Variants in RCAN2 observed in about 807,000 individuals in gnomAD.
The protein encoded by RCAN2 is calcipressin-2.
RCAN2 carries 9 observed loss-of-function variants against 23.6 expected under a neutral mutation model. The observed-to-expected ratio is 0.38, with a 90% confidence interval of 0.23 to 0.67. The LOEUF (loss-of-function observed/expected upper bound fraction) is 0.67, where lower values mean the gene tolerates loss of function less well. Among genes scored for constraint, RCAN2 ranks in the 30% least tolerant of loss-of-function variants. The probability of loss-of-function intolerance (pLI) is 0.51; values close to 1 mark genes in which losing one functional copy is unlikely to be tolerated. For synonymous variants in RCAN2, 109 were observed against 115.7 expected (o/e 0.94, Z 0.37); for missense variants, 273 against 302.3 (o/e 0.90, Z 0.72).
intron 2 of RCAN2, among the ~76,000 whole-genome samples, chr6:46,301,081 T>C (rs2150351071): frequency 6.6e-6 from 1 of 152,124 alleles, no homozygotes; most frequent in Middle Eastern, 3.4e-3. Context: ...GCCATATTTC[T>C]TTCTTGTAGG....
At chr6:46,457,399 C>A (rs1768071599) in intron 1 of RCAN2, among the ~76,000 whole-genome samples, 1 of 152,046 alleles carries the variant, frequency 6.6e-6, no homozygotes, top group African/African-American at 2.4e-5. Flanking sequence ...CAATATTTTC[C>A]CCAATTTACA....
intron 2 of RCAN2, among the ~76,000 whole-genome samples, chr6:46,302,068 T>A (rs1436205566): frequency 6.6e-6 from 1 of 151,972 alleles, no homozygotes; most frequent in Non-Finnish European, 1.5e-5. Flanking sequence ...GTGACTGCAG[T>A]GTCAAGAAGG....
At chr6:46,282,774 G>T (rs1412653918) in intron 2 of RCAN2, among the ~76,000 whole-genome samples, 1 of 152,134 alleles carries the variant, frequency 6.6e-6, no homozygotes, top group Admixed American at 6.5e-5. Context: ...CTGCTTTCAG[G>T]TCCTTCCTGG....
intron 1 of RCAN2, among the ~76,000 whole-genome samples, chr6:46,463,941 A>G (rs1768299715): frequency 6.6e-6 from 1 of 152,204 alleles, no homozygotes; most frequent in Non-Finnish European, 1.5e-5. Context: ...AAGGGCAACA[A>G]ATAAAAAAAT....
chr6:46,232,492 C>T (rs973814782), intron 4 of RCAN2, among the ~76,000 whole-genome samples: 4 of 151,794 alleles, frequency 2.6e-5, no homozygotes, highest in Admixed American at 6.6e-5. Context: ...TGGGAGTGCT[C>T]ATTAAAAAAA....
intron 2 of RCAN2, among the ~76,000 whole-genome samples, chr6:46,313,359 T>C (rs1479997358): frequency 6.6e-6 from 1 of 152,174 alleles, no homozygotes; most frequent in Non-Finnish European, 1.5e-5. Context: ...ATTCCTGAAT[T>C]CCCATGTCTG....
At chr6:46,333,377 A>G (rs1764045517) in intron 2 of RCAN2, among the ~76,000 whole-genome samples, 1 of 152,220 alleles carries the variant, frequency 6.6e-6, no homozygotes, top group African/African-American at 2.4e-5. Flanking sequence ...TTTCCTTTTT[A>G]CACCTGTATA....
At chr6:46,421,105 TC>T (rs1262160369) in intron 2 of RCAN2, among the ~76,000 whole-genome samples, 1 of 152,198 alleles carries the variant, frequency 6.6e-6, no homozygotes, top group African/African-American at 2.4e-5. Context: ...TAAAATTACT[TC>T]ACAAACCATC....
In RCAN2 at chr6:46,249,310, T is replaced by C. The variant is rs528353561; in HGVS notation, c.226-414A>G. On this transcript the variant is annotated intron_variant, in intron 2 of 4. Coordinates refer to ENST00000371374, the MANE Select transcript of RCAN2 (RefSeq NM_001251974.2). ...TTGGGGGCACTTTTCTTTTTCTTTC[T>C]TTCTTTCTTTTTTTTTTTTTTTTTT... Among the ~76,000 whole-genome samples, 1,036 of 131,018 alleles carry C rather than the reference T, an allele frequency of 7.9e-3. 3 individuals are homozygous for C. The highest frequency in any genetic ancestry group is 0.013 in the Non-Finnish European group (845 of 64,266). The allele number at this position is 131,018 out of a possible 152,430, so 86.0% of individuals were successfully genotyped here.
In RCAN2 at chr6:46,223,229, A is replaced by G. The variant is rs370830708; in HGVS notation, c.644T>C (p.Ile215Thr). Residue 215 changes from isoleucine to threonine, a missense_variant, in exon 5 of 5, where the codon ATA becomes ACA. Coordinates refer to ENST00000371374, the MANE Select transcript of RCAN2 (RefSeq NM_001251974.2). Reference protein sequence around the residue: ...SVVVHVCDSDIEEEEDPKTSP... With the variant: ...SVVVHVCDSDTEEEEDPKTSP... ...AGTCTTTGGGTCCTCTTCTTCCTCTATGTCACTGTCGCACACGTGCACGAC... is the reference window on the plus strand; with the variant it reads ...AGTCTTTGGGTCCTCTTCTTCCTCTGTGTCACTGTCGCACACGTGCACGAC... 18 of 1,613,814 alleles carry G rather than the reference A, an allele frequency of 1.1e-5. No homozygotes were observed. The highest frequency in any genetic ancestry group is 1.3e-5 in the African/African-American group (1 of 74,850).
intron 2 of RCAN2, among the ~76,000 whole-genome samples, chr6:46,349,180 T>C (rs191984824): frequency 1.3e-5 from 2 of 152,308 alleles, no homozygotes; most frequent in Admixed American, 1.3e-4. Flanking sequence ...TAAAGTACTA[T>C]GAGTCACTAA....
At chr6:46,360,502 C>A (rs1191589500) in intron 2 of RCAN2, among the ~76,000 whole-genome samples, 2 of 138,800 alleles carry the variant, frequency 1.4e-5, no homozygotes, top group African/African-American at 2.7e-5. Flanking sequence ...CCACTACACT[C>A]CAGCCTGGGC....
chr6:46,429,709 C>T (rs1767132407), intron 2 of RCAN2, among the ~76,000 whole-genome samples: 1 of 151,734 alleles, frequency 6.6e-6, no homozygotes, highest in South Asian at 2.1e-4. Flanking sequence ...CCTTATGGAC[C>T]CTAGGGTCTA....
intron 2 of RCAN2, among the ~76,000 whole-genome samples, chr6:46,444,845 G>GC (rs1283048121): frequency 6.6e-6 from 1 of 152,128 alleles, no homozygotes; most frequent in Non-Finnish European, 1.5e-5. Flanking sequence ...AGCACCTGTG[G>GC]CCCCAAGACC....
At chr6:46,264,994 A>G (rs1333595126) in intron 2 of RCAN2, among the ~76,000 whole-genome samples, 2 of 152,236 alleles carry the variant, frequency 1.3e-5, no homozygotes, top group African/African-American at 4.8e-5. Flanking sequence ...TTCATCCCAG[A>G]GGACTATCTA....
At chr6:46,225,054 T>G (rs895233145) in intron 4 of RCAN2, among the ~76,000 whole-genome samples, 1 of 152,122 alleles carries the variant, frequency 6.6e-6, no homozygotes, top group African/African-American at 2.4e-5. Flanking sequence ...GTCCTTGTGA[T>G]AGTTTGCTGA....
At chr6:46,459,356 T>G (rs910136633) in intron 1 of RCAN2, among the ~76,000 whole-genome samples, 1 of 152,234 alleles carries the variant, frequency 6.6e-6, no homozygotes, top group Non-Finnish European at 1.5e-5. Flanking sequence ...TAAGAATGTT[T>G]CAATTATTAT....
At chr6:46,350,569 G>T (rs1764618242) in intron 2 of RCAN2, among the ~76,000 whole-genome samples, 2 of 152,204 alleles carry the variant, frequency 1.3e-5, no homozygotes, top group African/African-American at 4.8e-5. Flanking sequence ...TTGGCTCTAT[G>T]TGCCGAGAAT....
intron 2 of RCAN2, among the ~76,000 whole-genome samples, chr6:46,333,051 G>A (rs1764032728): frequency 6.6e-6 from 1 of 152,120 alleles, no homozygotes; most frequent in Non-Finnish European, 1.5e-5. Context: ...CCATTTCTCT[G>A]ATGGCCAGTG....
Sources: allele counts gnomAD v4.1 joint callset (sites outside exome capture counted in the v4.1 genomes callset), GRCh38; gene constraint gnomAD v4.1.1; transcripts MANE v1.5; gene names NCBI Gene and HGNC (gene_info 2026-07-23, HGNC 2026-07-21).